Variants in FAM107B observed in about 807,000 individuals in gnomAD.
FAM107B encodes protein FAM107B.
FAM107B carries 21 observed loss-of-function variants against 31.5 expected under a neutral mutation model. The observed-to-expected ratio is 0.67, with a 90% CI of 0.47 to 0.96. The LOEUF (loss-of-function observed/expected upper bound fraction) is 0.96. Ranked by LOEUF, FAM107B falls within the 40% of genes least tolerant of loss-of-function variation. FAM107B has a pLI of 0.00. For synonymous variants in FAM107B, 157 were observed against 141.5 expected (o/e 1.11, Z -0.78); for missense variants, 452 against 377.1 (o/e 1.20, Z -1.64).
intron 2 of FAM107B, among the ~76,000 whole-genome samples, chr10:14,646,996 G>A (rs527937637): frequency 4.3e-4 from 65 of 151,816 alleles, no homozygotes; most frequent in African/African-American, 1.4e-3. Context: ...GGGTTTCACC[G>A]TGTTAGCCAG....
chr10:14,774,825 C>T lies in FAM107B; in HGVS notation c.-162G>A, dbSNP rs925931825. 1 of 772,306 alleles carries T rather than the reference C, an allele frequency of 1.3e-6. No individual in the cohort carries two copies. The highest frequency in any genetic ancestry group is 2.0e-6 in the Non-Finnish European group (1 of 496,002). 47.8% of individuals were successfully genotyped at this position (772,306 alleles called of 1,614,324 possible). A position where few individuals can be genotyped will look rare whatever the true frequency, so the allele number is the denominator to read the frequency against. ...AAGTTGGGATGGCAAGGCCACCTTC[C>T]CTGAGAGTCACTTAGCCGCTGGGGC... On this transcript the variant is annotated 5_prime_UTR_variant, in exon 1 of 5. Coordinates refer to ENST00000181796, the MANE Select transcript of FAM107B (RefSeq NM_031453.4).
Position 14,522,017 on chromosome 10 carries a change from C to T in FAM107B, c.656G>A (p.Gly219Asp). Residue 219 changes from glycine to aspartate, a missense_variant and splice_region_variant, in exon 4 of 5, where the codon GGT (glycine) becomes GAT (aspartate). Gly to Asp is a moderately conservative substitution (Grantham distance 94). Transcript: ENST00000181796. ...HRELLMNQKR[G>D]LAPQNKPELQ... ...TTCTGGTTTGTTCTGAGGAGCAAGACCCCTGCGAAAGAGCATTAACAAAAA... is the reference window on the plus strand; with the variant it reads ...TTCTGGTTTGTTCTGAGGAGCAAGATCCCTGCGAAAGAGCATTAACAAAAA... The T allele has an allele frequency of 1.2e-6, 2 of 1,607,668 alleles. No homozygotes were observed. The highest frequency in any genetic ancestry group is 1.7e-6 in the Non-Finnish European group (2 of 1,178,600).
intron 2 of FAM107B, among the ~76,000 whole-genome samples, chr10:14,619,301 C>T (rs1008057437): frequency 2.0e-5 from 3 of 152,182 alleles, no homozygotes; most frequent in African/African-American, 4.8e-5. Context: ...CCCATATTGA[C>T]GTTCCCACCA....
intron 2 of FAM107B, among the ~76,000 whole-genome samples, chr10:14,646,193 T>C (rs1313274324): frequency 6.6e-6 from 1 of 152,234 alleles, no homozygotes; most frequent in Non-Finnish European, 1.5e-5. Flanking sequence ...AAAATGTTTT[T>C]TTTATTTCAA....
In FAM107B at chr10:14,560,233, A is replaced by T. The variant is rs1588587485; in HGVS notation, c.470-29718T>A. Among the ~76,000 whole-genome samples, 4 of 150,320 alleles carry T rather than the reference A, an allele frequency of 2.7e-5. No homozygotes were observed. The East Asian group carries it at 7.8e-4, about 29-fold the overall frequency. Reference sequence around the variant, plus strand: ...TTTTTTCATCTTTTTTTTCTTTCCCATTTGGAACAAGTGCCCATCAAAGGC... The same window carrying T: ...TTTTTTCATCTTTTTTTTCTTTCCCTTTTGGAACAAGTGCCCATCAAAGGC... On this transcript the variant is annotated intron_variant, in intron 2 of 4. Coordinates refer to ENST00000181796, the MANE Select transcript of FAM107B (RefSeq NM_031453.4).
At chr10:14,681,486 G>A (rs997879672) in intron 1 of FAM107B, among the ~76,000 whole-genome samples, 1 of 152,172 alleles carries the variant, frequency 6.6e-6, no homozygotes, top group Non-Finnish European at 1.5e-5. Flanking sequence ...AGGCAGATAA[G>A]TAGCCTCTCA....
Position 14,636,657 on chromosome 10 carries a change from G to A in FAM107B, c.469+30977C>T, listed in dbSNP as rs1417725956. Among the ~76,000 whole-genome samples, 4 of 151,880 alleles carry A rather than the reference G, an allele frequency of 2.6e-5. No homozygotes were observed. The East Asian group carries it at 7.8e-4, about 29-fold the overall frequency. On this transcript the variant is annotated intron_variant, in intron 2 of 4. Transcript: ENST00000181796. Reference sequence around the variant, plus strand: ...CCATCTCCAAACACAGTTACATGGCGAAGGAAGTACTGGGGTTAGGGCTCA... The same window carrying A: ...CCATCTCCAAACACAGTTACATGGCAAAGGAAGTACTGGGGTTAGGGCTCA...
At chr10:14,620,283 C>T (rs1458550108) in intron 2 of FAM107B, among the ~76,000 whole-genome samples, 1 of 152,138 alleles carries the variant, frequency 6.6e-6, no homozygotes, top group Non-Finnish European at 1.5e-5. Context: ...TCCCAAAGTG[C>T]TGGGATTACA....
Position 14,521,256 on chromosome 10 carries a change from C to T in FAM107B, c.855G>A (p.Glu285=), listed in dbSNP as rs758878466. The T allele has an allele frequency of 3.7e-6, 6 of 1,614,164 alleles. No individual in the cohort carries two copies. In the East Asian group the frequency reaches 8.9e-5, roughly 24 times the overall value. The change falls in exon 5 of 5, where the codon GAG becomes GAA. Residue 285 remains glutamate, a synonymous_variant. Transcript: ENST00000181796. ...KLQEEQENAP[E]FVKVKGNLRR... is the part of the protein sequence containing the mutation. ...TGAGATTGCCTTTCACCTTCACAAACTCGGGGGCATTTTCTTGCTCTTCTT... is the reference window on the plus strand; with the variant it reads ...TGAGATTGCCTTTCACCTTCACAAATTCGGGGGCATTTTCTTGCTCTTCTT...
At chr10:14,566,812 G>A (rs890824616) in intron 2 of FAM107B, among the ~76,000 whole-genome samples, 16 of 152,338 alleles carry the variant, frequency 1.1e-4, no homozygotes, top group African/African-American at 3.8e-4. Context: ...AGAGACCTGA[G>A]CACTTGTAAA....
At chr10:14,697,224 C>T (rs928092493) in intron 1 of FAM107B, among the ~76,000 whole-genome samples, 7 of 152,184 alleles carry the variant, frequency 4.6e-5, no homozygotes, top group South Asian at 2.1e-4. Flanking sequence ...TTGCCTCTGC[C>T]GCTTCATCAG....
intron 1 of FAM107B, among the ~76,000 whole-genome samples, chr10:14,760,497 T>C (rs561187719): frequency 6.7e-6 from 1 of 150,316 alleles, no homozygotes; most frequent in African/African-American, 2.5e-5. Flanking sequence ...TACCTTATTA[T>C]TCTCTGCGAC....
At chr10:14,679,233 GATC>G (rs1420093024) in intron 1 of FAM107B, among the ~76,000 whole-genome samples, 1 of 152,066 alleles carries the variant, frequency 6.6e-6, no homozygotes, top group East Asian at 1.9e-4. Flanking sequence ...GGGCTCAAGC[GATC>G]CTCCTACCCC....
intron 2 of FAM107B, among the ~76,000 whole-genome samples, chr10:14,585,771 G>T (rs1252940670): frequency 6.6e-6 from 1 of 152,122 alleles, no homozygotes; most frequent in Non-Finnish European, 1.5e-5. Context: ...TCAAATCTTT[G>T]GTCAGGATCT....
intron 2 of FAM107B, among the ~76,000 whole-genome samples, chr10:14,626,709 T>C (rs1853175320): frequency 6.6e-6 from 1 of 152,066 alleles, no homozygotes; most frequent in South Asian, 2.1e-4. Flanking sequence ...TTCACCGTGT[T>C]AGCCAGGATG....
intron 1 of FAM107B, among the ~76,000 whole-genome samples, chr10:14,757,694 T>C (rs1438924340): frequency 6.6e-6 from 1 of 152,114 alleles, no homozygotes; most frequent in Non-Finnish European, 1.5e-5. Context: ...AAGCAGGAAA[T>C]CTCTAGCAGC....
chr10:14,719,870 T>C (rs1176749421), intron 1 of FAM107B, among the ~76,000 whole-genome samples: 1 of 152,190 alleles, frequency 6.6e-6, no homozygotes, highest in African/African-American at 2.4e-5. Flanking sequence ...CCATGGCCTT[T>C]AGGCTGTTCA....
intron 1 of FAM107B, among the ~76,000 whole-genome samples, chr10:14,672,384 G>A (rs1341995287): frequency 6.6e-6 from 1 of 152,108 alleles, no homozygotes. Flanking sequence ...CACTGTGCCC[G>A]GCCCCATCAT....
chr10:14,754,939 GT>G (rs1297140433), intron 1 of FAM107B, among the ~76,000 whole-genome samples: 1 of 152,176 alleles, frequency 6.6e-6, no homozygotes, highest in Non-Finnish European at 1.5e-5. Context: ...ATGAAAAGTA[GT>G]TCTTAACACC....
Sources: gnomAD v4.1 joint callset for allele counts (sites outside exome capture counted in the v4.1 genomes callset) on GRCh38, gnomAD v4.1.1 for gene constraint, MANE v1.5 for transcripts, NCBI Gene and HGNC (gene_info 2026-07-23, HGNC 2026-07-21) for gene names.